The following STK10 variants were observed in gnomAD, a reference collection of about 807,000 sequenced individuals.
The protein encoded by STK10 is serine/threonine-protein kinase 10.
A neutral mutation model predicts 113.8 loss-of-function variants in STK10; 78 were observed. That is an observed-to-expected ratio of 0.69 (90% CI 0.57 to 0.83). The LOEUF (loss-of-function observed/expected upper bound fraction) is 0.83, where lower values mean the gene tolerates loss of function less well. STK10 is among the 40% of genes least tolerant of loss of function. The pLI is 0.00. For synonymous variants in STK10, 465 were observed against 494.7 expected (o/e 0.94, Z 0.80); for missense variants, 1,109 against 1,280.1 (o/e 0.87, Z 2.04).
chr5:172,073,246 G>A (rs935794772), intron 12 of STK10, among the ~76,000 whole-genome samples: 25 of 152,054 alleles, frequency 1.6e-4, no homozygotes, highest in Admixed American at 5.2e-4. Flanking sequence ...TCTGCCTCCC[G>A]GGTTCAAGCA....
intron 1 of STK10, among the ~76,000 whole-genome samples, chr5:172,182,071 G>A (rs2113845014): frequency 6.6e-6 from 1 of 152,156 alleles, no homozygotes; most frequent in East Asian, 1.9e-4. Context: ...TTGGGAGGCT[G>A]AGGCGGGCGG....
chr5:172,127,177 GAGAA>G (rs2075050935), intron 3 of STK10, among the ~76,000 whole-genome samples, 192 bp downstream of exon 3: 1 of 151,962 alleles, frequency 6.6e-6, no homozygotes, highest in Admixed American at 6.6e-5. Flanking sequence ...GTCTCAAAAA[GAGAA>G]AGAAAGAAAA....
chr5:172,176,252 C>T (rs1188391000), intron 1 of STK10, among the ~76,000 whole-genome samples: 1 of 152,236 alleles, frequency 6.6e-6, no homozygotes, highest in East Asian at 1.9e-4. Context: ...AGGAATTCCT[C>T]CAGGTTCCCA....
At chr5:172,153,007 C>A (rs1442858204) in intron 2 of STK10, among the ~76,000 whole-genome samples, 16 of 152,186 alleles carry the variant, frequency 1.1e-4, no homozygotes, top group African/African-American at 3.9e-4. Context: ...TACATATAGG[C>A]CTGGTGCAGT....
chr5:172,053,373 C>G (rs1284371404), intron 17 of STK10, among the ~76,000 whole-genome samples: 1 of 152,184 alleles, frequency 6.6e-6, no homozygotes, highest in Non-Finnish European at 1.5e-5. Flanking sequence ...TGCTGGCACC[C>G]TGATCTCAGA....
chr5:172,100,702 G>T (rs151162462), intron 7 of STK10, among the ~76,000 whole-genome samples: 1 of 152,028 alleles, frequency 6.6e-6, no homozygotes, highest in Admixed American at 6.6e-5. Flanking sequence ...CAAGAGAATC[G>T]CTTGAACCCA....
chr5:172,070,594 AAAG>A (rs928536021), intron 12 of STK10, among the ~76,000 whole-genome samples: 3 of 152,112 alleles, frequency 2.0e-5, no homozygotes, highest in African/African-American at 7.2e-5. Context: ...GAAACCATAA[AAAG>A]AAGAGCAATT....
chr5:172,164,698 A>G (rs1054924676), intron 1 of STK10, among the ~76,000 whole-genome samples: 2 of 152,144 alleles, frequency 1.3e-5, no homozygotes, highest in Admixed American at 1.3e-4. Flanking sequence ...CCATGCTCTG[A>G]TGAGAGCCGT....
chr5:172,122,695 C>T (rs1351290488), intron 3 of STK10, among the ~76,000 whole-genome samples: 4 of 152,162 alleles, frequency 2.6e-5, no homozygotes, highest in Admixed American at 6.5e-5. Flanking sequence ...ACGATCTAGG[C>T]TCACTGCAAG....
intron 2 of STK10, among the ~76,000 whole-genome samples, chr5:172,153,435 A>G (rs1378062880): frequency 6.6e-6 from 1 of 152,222 alleles, no homozygotes; most frequent in South Asian, 2.1e-4. Flanking sequence ...AAGTAGTGAT[A>G]AGGAAGCACA....
At chr5:172,180,651 A>C (rs1007760571) in intron 1 of STK10, among the ~76,000 whole-genome samples, 6 of 151,814 alleles carry the variant, frequency 4.0e-5, no homozygotes, top group Non-Finnish European at 5.9e-5. Flanking sequence ...ACAACAAAAA[A>C]AAAAAACATT....
At chr5:172,115,831 T>C (rs1360231504) in intron 4 of STK10, among the ~76,000 whole-genome samples, 2 of 152,076 alleles carry the variant, frequency 1.3e-5, no homozygotes, top group East Asian at 3.9e-4. Flanking sequence ...GTAGCTCTAG[T>C]GAAAGAACCA....
intron 1 of STK10, among the ~76,000 whole-genome samples, chr5:172,177,227 A>G (rs1404712678): frequency 6.6e-6 from 1 of 151,768 alleles, no homozygotes; most frequent in African/African-American, 2.4e-5. Context: ...CCCTCCCACT[A>G]TGTGAGGTCA....
intron 7 of STK10, among the ~76,000 whole-genome samples, chr5:172,102,349 A>G (rs1769007548): frequency 6.6e-6 from 1 of 152,174 alleles, no homozygotes; most frequent in African/African-American, 2.4e-5. Flanking sequence ...TGGAGCTGCC[A>G]TCGGCCGAGA....
rs772294154 is a variant in STK10, at chr5:172,093,912, G to A, written c.1054C>T (p.Leu352Phe). Reference sequence around the variant, plus strand: ...TCCTCGAGAGGCTTGTCAGCATTGAGGCTTGGCGGACTCACCTCAGAGGAG... The same window carrying A: ...TCCTCGAGAGGCTTGTCAGCATTGAAGCTTGGCGGACTCACCTCAGAGGAG... ...QNSSEVSPPS[L>F]NADKPLEESP... The change falls in exon 9 of 19, where the codon CTC becomes TTC. Residue 352 changes from leucine (L) to phenylalanine (F), a missense_variant. Physicochemically the swap from Leu to Phe is conservative, Grantham distance 22. Around this residue, in one of 5 missense-constraint regions of STK10, gnomAD observed 885 missense variants for 991.1 expected, o/e 0.89. Transcript: ENST00000176763. The surrounding 1 kb of genome is among the most constrained non-coding windows in gnomAD (Gnocchi z 4.1). 7.2e-6 allele frequency: 11 copies of A among 1,532,014 alleles called. No individual in the cohort carries two copies. The highest frequency in any genetic ancestry group is 8.8e-6 in the Non-Finnish European group (10 of 1,137,994). The allele number at this position is 1,532,014 out of a possible 1,614,324, so 94.9% of individuals were successfully genotyped here.
chr5:172,072,558 G>A (rs28675835), intron 12 of STK10, among the ~76,000 whole-genome samples: 31,709 of 152,106 alleles, frequency 0.21, 4,286 homozygotes, highest in African/African-American at 0.38. Context: ...GTGAGCCACC[G>A]CGCCTGGCCT....
Position 172,079,126 on chromosome 5 carries a change from T to G in STK10, c.1989+3200A>C, listed in dbSNP as rs573983745. On this transcript the variant is annotated intron_variant, in intron 12 of 18. Coordinates refer to ENST00000176763, the MANE Select transcript of STK10 (RefSeq NM_005990.4). ...TGTAAGGACAGGATGTTAACAGGATTATTAAAATAGCACACTCCTGCCTGT... is the reference window on the plus strand; with the variant it reads ...TGTAAGGACAGGATGTTAACAGGATGATTAAAATAGCACACTCCTGCCTGT... 3.9e-5 allele frequency among the ~76,000 whole-genome samples: 6 copies of G among 152,326 alleles called. No homozygotes were observed. The East Asian group carries it at 1.2e-3, about 29-fold the overall frequency.
At chr5:172,064,323 A>C in intron 13 of STK10, 1 of 203,700 alleles carries the variant, frequency 4.9e-6, no homozygotes, top group Non-Finnish European at 1.0e-5. Context: ...CCCTCAGAGC[A>C]TAACAGGACC....
chr5:172,175,888 GGT>G (rs1199758551), intron 1 of STK10, among the ~76,000 whole-genome samples: 1 of 152,194 alleles, frequency 6.6e-6, no homozygotes, highest in Admixed American at 6.5e-5. Context: ...TGCTTCATCA[GGT>G]GTGGAGTGAG....
Sources: gnomAD v4.1 joint callset for allele counts (sites outside exome capture counted in the v4.1 genomes callset) on GRCh38, gnomAD v4.1.1 for gene constraint, gnomAD v4.1.1 regional missense constraint, Gnocchi (gnomAD v3.1) non-coding constraint, MANE v1.5 for transcripts, NCBI Gene and HGNC (gene_info 2026-07-23, HGNC 2026-07-21) for gene names.